Variants in L3MBTL4 observed in about 807,000 individuals in gnomAD.
The protein encoded by L3MBTL4 is L3MBTL histone methyl-lysine binding protein 4.
In L3MBTL4, 70 loss-of-function variants were observed where a neutral mutation model predicts 84.5. The ratio of observed to expected loss-of-function variants is 0.83; its 90% CI spans 0.68 to 1.01. The LOEUF (loss-of-function observed/expected upper bound fraction) is 1.01, where lower values mean the gene tolerates loss of function less well. L3MBTL4 is among the 50% of genes least tolerant of loss of function. The pLI is 0.00. For missense variants in L3MBTL4, 715 were observed against 754.8 expected (o/e 0.95, Z 0.62); for synonymous variants, 274 against 259.8 (o/e 1.05, Z -0.52).
chr18:6,009,601 G>C lies in L3MBTL4; in HGVS notation c.1445-40039C>G, dbSNP rs150637447. The stretch of plus-strand genomic sequence containing the variant: ...CCCTTATATAAAATGGTGTGTATCT[G>C]CACACAACCTATGCACACCCTCCCG... On this transcript the variant is annotated intron_variant, in intron 16 of 18. Coordinates refer to ENST00000317931, the MANE Select transcript of L3MBTL4 (RefSeq NM_001330559.2). Among the ~76,000 whole-genome samples, 506 of 152,194 alleles carry C rather than the reference G, an allele frequency of 3.3e-3. 4 individuals are homozygous for C. Among genetic ancestry groups the C allele is most frequent in the African/African-American group, 0.012 (478 of 41,534 alleles).
intron 1 of L3MBTL4, among the ~76,000 whole-genome samples, chr18:6,330,486 T>G (rs908009541): frequency 1.3e-5 from 2 of 152,242 alleles, no homozygotes; most frequent in Non-Finnish European, 2.9e-5. Context: ...TCTTAGGATA[T>G]GTCACCCAGA....
chr18:5,964,802 C>T (rs1296880740), intron 17 of L3MBTL4, among the ~76,000 whole-genome samples: 1 of 152,146 alleles, frequency 6.6e-6, no homozygotes, highest in Admixed American at 6.5e-5. Context: ...TGCCTGCCCG[C>T]GTGTGCCTAC....
intron 16 of L3MBTL4, among the ~76,000 whole-genome samples, chr18:6,017,483 A>G (rs558491408): frequency 5.8e-4 from 89 of 152,362 alleles, no homozygotes; most frequent in African/African-American, 2.1e-3. Context: ...GTCACAAAAC[A>G]CTACTGTCTA....
chr18:6,185,211 CAA>C (rs2044665025), intron 12 of L3MBTL4, among the ~76,000 whole-genome samples: 2 of 152,170 alleles, frequency 1.3e-5, no homozygotes, highest in Admixed American at 6.5e-5. Context: ...GAGTCATAAA[CAA>C]ACAGAGGGAA....
intron 16 of L3MBTL4, among the ~76,000 whole-genome samples, chr18:6,060,030 A>G (rs918180003): frequency 6.6e-6 from 1 of 152,232 alleles, no homozygotes; most frequent in Non-Finnish European, 1.5e-5. Flanking sequence ...GGAGAGTATT[A>G]TCAATAACAG....
At chr18:5,968,454 T>G (rs1019847548) in intron 17 of L3MBTL4, among the ~76,000 whole-genome samples, 2 of 152,038 alleles carry the variant, frequency 1.3e-5, no homozygotes, top group African/African-American at 4.8e-5. Context: ...TCCCAGTGCT[T>G]TGGGAGGCTG....
At chr18:6,285,456 T>A (rs2049527895) in intron 4 of L3MBTL4, among the ~76,000 whole-genome samples, 1 of 151,808 alleles carries the variant, frequency 6.6e-6, no homozygotes, top group South Asian at 2.1e-4. Context: ...TATATAGAGA[T>A]GCACCTATAT....
chr18:6,129,915 T>G (rs546821820), intron 14 of L3MBTL4, among the ~76,000 whole-genome samples: 1 of 152,290 alleles, frequency 6.6e-6, no homozygotes, highest in African/African-American at 2.4e-5. Flanking sequence ...TTATTCAGAT[T>G]CTGTATATTC....
chr18:6,092,391 G>T (rs1314183512), intron 15 of L3MBTL4, among the ~76,000 whole-genome samples: 1 of 152,190 alleles, frequency 6.6e-6, no homozygotes, highest in Non-Finnish European at 1.5e-5. Flanking sequence ...GCAAATGCTG[G>T]CAGTGATTTC....
chr18:6,150,295 C>G (rs1481254699), intron 13 of L3MBTL4, among the ~76,000 whole-genome samples: 16 of 152,040 alleles, frequency 1.1e-4, no homozygotes, highest in Admixed American at 1.0e-3. Flanking sequence ...AAAAGTACAT[C>G]TAAAGCGGGA....
chr18:6,161,497 T>A (rs1189407251), intron 13 of L3MBTL4, among the ~76,000 whole-genome samples: 1 of 152,202 alleles, frequency 6.6e-6, no homozygotes, highest in African/African-American at 2.4e-5. Flanking sequence ...ATCCACGGTG[T>A]GCACTCTACC....
intron 12 of L3MBTL4, among the ~76,000 whole-genome samples, chr18:6,196,151 G>A (rs1055329164): frequency 3.6e-5 from 5 of 140,764 alleles, no homozygotes; most frequent in South Asian, 4.3e-4. Flanking sequence ...CCTATCTAGA[G>A]TTCCTCTTTT....
intron 12 of L3MBTL4, among the ~76,000 whole-genome samples, chr18:6,181,980 A>G (rs751164410): frequency 6.6e-6 from 1 of 152,152 alleles, no homozygotes; most frequent in Non-Finnish European, 1.5e-5. Flanking sequence ...ATGCACTTGC[A>G]TGTGTCTTTA....
At position 6,121,994 on chromosome 18, in the gene L3MBTL4, A is replaced by G. The variant is rs1319180677; in HGVS notation, c.1199+16200T>C. Among the ~76,000 whole-genome samples, 3 of 152,184 alleles carry G rather than the reference A, an allele frequency of 2.0e-5. No homozygotes were observed. The East Asian group carries it at 5.8e-4, about 29-fold the overall frequency. ...TACATCCGGGAATAGGAGAAAGAGT[A>G]TCAGATGAGTAGTTAGAAGACATTT... On this transcript the variant is annotated intron_variant, in intron 14 of 18. Coordinates refer to ENST00000317931, the MANE Select transcript of L3MBTL4 (RefSeq NM_001330559.2).
intron 16 of L3MBTL4, among the ~76,000 whole-genome samples, chr18:6,058,390 T>C (rs1326308639): frequency 6.6e-6 from 1 of 152,194 alleles, no homozygotes; most frequent in African/African-American, 2.4e-5. Context: ...TGTGTCTTTA[T>C]GGAGTATAAA....
At chr18:6,114,008 T>C (rs1402827859) in intron 14 of L3MBTL4, among the ~76,000 whole-genome samples, 2 of 152,216 alleles carry the variant, frequency 1.3e-5, no homozygotes, top group East Asian at 1.9e-4. Flanking sequence ...CCAATATTAA[T>C]TGAGCACCTA....
At chr18:6,147,089 T>C (rs2042687950) in intron 13 of L3MBTL4, among the ~76,000 whole-genome samples, 1 of 150,970 alleles carries the variant, frequency 6.6e-6, no homozygotes, top group Admixed American at 6.6e-5. Flanking sequence ...AACTGTTCAA[T>C]TATGCACTCT....
intron 1 of L3MBTL4, among the ~76,000 whole-genome samples, chr18:6,336,083 G>T (rs2052321733): frequency 1.3e-5 from 2 of 152,088 alleles, no homozygotes; most frequent in South Asian, 4.1e-4. Flanking sequence ...GTTTAATTTT[G>T]CAAATAAACA....
chr18:6,205,167 A>G lies in L3MBTL4; in HGVS notation c.981+7982T>C, dbSNP rs551306752. 7.9e-5 allele frequency among the ~76,000 whole-genome samples: 12 copies of G among 152,294 alleles called. No individual in the cohort carries two copies. The South Asian group carries it at 2.5e-3, about 32-fold the overall frequency. ...GCTCAAAGAAATTACTACAGTGCTG[A>G]GAAGAGGAAAATAGGAGTGTCAGAG... On this transcript the variant is annotated intron_variant, in intron 12 of 18. Coordinates refer to ENST00000317931, the MANE Select transcript of L3MBTL4 (RefSeq NM_001330559.2).
Sources: gnomAD v4.1 joint callset for allele counts (sites outside exome capture counted in the v4.1 genomes callset) on GRCh38, gnomAD v4.1.1 for gene constraint, MANE v1.5 for transcripts, NCBI Gene and HGNC (gene_info 2026-07-23, HGNC 2026-07-21) for gene names.